The following AKAP7 variants were observed in gnomAD, a reference collection of about 807,000 sequenced individuals.
AKAP7 encodes the protein A kinase (PRKA) anchor protein 7.
A neutral mutation model predicts 39.5 loss-of-function variants in AKAP7; 39 were observed. The ratio of observed to expected loss-of-function variants is 0.99; its 90% CI spans 0.76 to 1.29. AKAP7 has a LOEUF of 1.29. Ranked by LOEUF, AKAP7 falls within the 50% of genes most tolerant of loss-of-function variation. AKAP7 has a pLI of 0.00. For missense variants in AKAP7, 414 were observed against 407.7 expected, an observed-to-expected ratio of 1.02 and a Z score of -0.13; for synonymous variants, 140 against 139.1, an observed-to-expected ratio of 1.01 and a Z score of -0.05.
chr6:131,183,752 T>A (rs1315687595), intron 5 of AKAP7, among the ~76,000 whole-genome samples: 1 of 151,810 alleles, frequency 6.6e-6, no homozygotes, highest in Non-Finnish European at 1.5e-5. Flanking sequence ...ACCGAGAACA[T>A]CCTGACTCCA....
At chr6:131,162,531 T>G (rs1803074640) in intron 3 of AKAP7, among the ~76,000 whole-genome samples, 1 of 152,184 alleles carries the variant, frequency 6.6e-6, no homozygotes, top group Non-Finnish European at 1.5e-5. Context: ...AGATGACTAT[T>G]TTTTAAACCC....
chr6:131,241,626 T>TCTAC (rs1562238177), intron 7 of AKAP7, among the ~76,000 whole-genome samples: 1 of 135,656 alleles, frequency 7.4e-6, no homozygotes, highest in Non-Finnish European at 1.5e-5. Context: ...TGTGTGTGTG[T>TCTAC]GTATATATAT....
intron 5 of AKAP7, among the ~76,000 whole-genome samples, chr6:131,195,474 C>A (rs931915183): frequency 6.6e-6 from 1 of 151,994 alleles, no homozygotes; most frequent in Non-Finnish European, 1.5e-5. Context: ...TATACACCAC[C>A]GTTACAGTGT....
chr6:131,254,183 G>A (rs1333880607), intron 7 of AKAP7, among the ~76,000 whole-genome samples: 1 of 152,166 alleles, frequency 6.6e-6, no homozygotes, highest in Non-Finnish European at 1.5e-5. Context: ...ATGTTTCTTG[G>A]AAGATTAGGC....
intron 4 of AKAP7, among the ~76,000 whole-genome samples, chr6:131,165,800 G>A (rs982079087): frequency 1.3e-5 from 2 of 151,976 alleles, no homozygotes; most frequent in African/African-American, 4.8e-5. Context: ...ATTGATTACT[G>A]CTTTCCAATC....
intron 5 of AKAP7, chr6:131,184,264 A>AAAAATGAAGT: frequency 2.1e-6 from 1 of 480,748 alleles, no homozygotes; most frequent in Non-Finnish European, 4.1e-6. Flanking sequence ...GGTGGGTATG[A>AAAAATGAAGT]AAAATGAAGT....
chr6:131,244,832 T>C (rs1431304856), intron 7 of AKAP7, among the ~76,000 whole-genome samples: 1 of 150,838 alleles, frequency 6.6e-6, no homozygotes, highest in Non-Finnish European at 1.5e-5. Flanking sequence ...GCTTCTGTTT[T>C]ATAGAAAAAA....
At chr6:131,270,964 G>A (rs547557902) in intron 7 of AKAP7, among the ~76,000 whole-genome samples, 5 of 152,066 alleles carry the variant, frequency 3.3e-5, no homozygotes, top group South Asian at 2.1e-4. Context: ...TTGTTTTCTC[G>A]CTACAAGTTC....
Position 131,175,788 on chromosome 6 carries a change from C to T in AKAP7, c.589+6515C>T, listed in dbSNP as rs1045038991. Among the ~76,000 whole-genome samples the T allele has an allele frequency of 9.9e-5, 15 of 152,254 alleles. No individual in the cohort carries two copies. The South Asian group carries it at 1.9e-3, about 19-fold the overall frequency. ...GGAACATCCTCCTTTCTGAGGACAC[C>T]GGGTCACAGAGGAGAAGCTGAGTCA... On this transcript the variant is annotated intron_variant, in intron 5 of 7. Coordinates refer to ENST00000431975, the MANE Select transcript of AKAP7 (RefSeq NM_016377.4).
chr6:131,223,902 G>T (rs1209304960), intron 7 of AKAP7, among the ~76,000 whole-genome samples: 7 of 152,090 alleles, frequency 4.6e-5, no homozygotes, highest in African/African-American at 1.4e-4. Flanking sequence ...CTGAGATTTC[G>T]CTTTCATTGC....
intron 7 of AKAP7, among the ~76,000 whole-genome samples, chr6:131,223,564 C>T (rs77977744): frequency 0.057 from 8,624 of 152,200 alleles, 345 homozygotes; most frequent in Middle Eastern, 0.12. Flanking sequence ...TGTAAGAGAG[C>T]TGTCTTCCAT....
intron 6 of AKAP7, among the ~76,000 whole-genome samples, chr6:131,210,604 A>T: frequency 6.6e-6 from 1 of 150,606 alleles, no homozygotes; most frequent in Non-Finnish European, 1.5e-5. Context: ...GTATGAAACT[A>T]CCTCTCTTCC....
At chr6:131,199,708 A>T in intron 6 of AKAP7, 135 bp downstream of exon 6, 1 of 744,450 alleles carries the variant, frequency 1.3e-6, no homozygotes, top group Non-Finnish European at 2.3e-6. Context: ...GTTGGTTCCA[A>T]TTCCCAGGGG....
intron 7 of AKAP7, among the ~76,000 whole-genome samples, chr6:131,271,416 A>G (rs1814264430): frequency 6.6e-6 from 1 of 152,064 alleles, no homozygotes; most frequent in South Asian, 2.1e-4. Flanking sequence ...CTATATGTCT[A>G]TACTTATGCC....
chr6:131,152,969 A>T (rs944256966), intron 2 of AKAP7, among the ~76,000 whole-genome samples: 1 of 152,020 alleles, frequency 6.6e-6, no homozygotes, highest in Non-Finnish European at 1.5e-5. Context: ...TCTACTAAAA[A>T]TACAAAAAAA....
Position 131,184,465 on chromosome 6 carries a change from A to G in AKAP7, c.590-14996A>G, listed in dbSNP as rs146756151. The G allele has an allele frequency of 1.5e-5, 10 of 664,332 alleles. No homozygotes were observed. In the African/African-American group the frequency reaches 1.6e-4, roughly 11 times the overall value. 41.2% of individuals were successfully genotyped at this position (664,332 alleles called of 1,614,324 possible). A position where few individuals can be genotyped will look rare whatever the true frequency, so the allele number is the denominator to read the frequency against. ...ATTTCGTAGCCATGATCGCAGCATC[A>G]CAAAAGCCCAGCTGGTCATCATCTT... On this transcript the variant is annotated intron_variant, in intron 5 of 7. Coordinates refer to ENST00000431975, the MANE Select transcript of AKAP7 (RefSeq NM_016377.4).
intron 5 of AKAP7, among the ~76,000 whole-genome samples, chr6:131,178,653 G>A (rs1238964993): frequency 6.6e-6 from 1 of 152,036 alleles, no homozygotes; most frequent in Non-Finnish European, 1.5e-5. Flanking sequence ...CTCTTTCAAG[G>A]CAGCATGGAT....
At chr6:131,221,577 A>G (rs569146238) in intron 7 of AKAP7, among the ~76,000 whole-genome samples, 1 of 152,226 alleles carries the variant, frequency 6.6e-6, no homozygotes. Context: ...AGAGAAGTCA[A>G]TGTCTGACTT....
intron 2 of AKAP7, among the ~76,000 whole-genome samples, chr6:131,156,131 G>C (rs1802396143): frequency 6.6e-6 from 1 of 152,064 alleles, no homozygotes; most frequent in South Asian, 2.1e-4. Context: ...TCTATCTTTT[G>C]TATTTTTTTC....
Sources: allele counts gnomAD v4.1 joint callset (sites outside exome capture counted in the v4.1 genomes callset), GRCh38; gene constraint gnomAD v4.1.1; transcripts MANE v1.5; gene names NCBI Gene and HGNC (gene_info 2026-07-23, HGNC 2026-07-21).